DKK2: variants seen among roughly 807,000 people sequenced by gnomAD.
The protein encoded by DKK2 is dickkopf Wnt signaling pathway inhibitor 2, also known as dickkopf-related protein 2.
DKK2 carries 11 observed loss-of-function variants against 28.1 expected under a neutral mutation model. The observed-to-expected ratio is 0.39, with a 90% CI of 0.25 to 0.65. The LOEUF is 0.65. Ranked by LOEUF, DKK2 falls within the 30% of genes least tolerant of loss-of-function variation. The pLI is 0.47. For synonymous variants in DKK2, 135 were observed against 126.5 expected (o/e 1.07, Z -0.45); for missense variants, 326 against 335.5 (o/e 0.97, Z 0.22).
chr4:106,942,994 A>C (rs1018677737), intron 1 of DKK2, among the ~76,000 whole-genome samples: 1 of 152,108 alleles, frequency 6.6e-6, no homozygotes, highest in East Asian at 1.9e-4. Flanking sequence ...TACTACTTGC[A>C]CATCCCCTAG....
At chr4:106,938,615 G>A (rs540075734) in intron 1 of DKK2, among the ~76,000 whole-genome samples, 83 of 152,188 alleles carry the variant, frequency 5.5e-4, no homozygotes, top group African/African-American at 1.8e-3. Flanking sequence ...TTTTTATGAG[G>A]CCAGCATCAT....
At chr4:106,935,266 T>C (rs1315078426) in intron 1 of DKK2, among the ~76,000 whole-genome samples, 3 of 152,100 alleles carry the variant, frequency 2.0e-5, no homozygotes, top group Non-Finnish European at 2.9e-5. Context: ...GCGCACCGTG[T>C]GCGAGCCAAA....
chr4:107,005,567 A>G (rs1723426924), intron 1 of DKK2, among the ~76,000 whole-genome samples: 1 of 152,056 alleles, frequency 6.6e-6, no homozygotes, highest in South Asian at 2.1e-4. Flanking sequence ...CTCCGACATC[A>G]TTATATTCTT....
chr4:106,923,889 C>A lies in DKK2; in HGVS notation c.*65G>T. On this transcript the variant is annotated 3_prime_UTR_variant, in exon 4 of 4. Transcript: ENST00000285311. The stretch of plus-strand genomic sequence containing the variant: ...TTCTGCATCTGAACCTTATTTTCCA[C>A]CATGCTATAATGCATTAAATACACA... 1 of 1,578,148 alleles carries A rather than the reference C, an allele frequency of 6.3e-7. No individual in the cohort carries two copies. Among genetic ancestry groups the A allele is most frequent in the Admixed American group, 1.8e-5 (1 of 57,090 alleles).
At chr4:107,017,419 C>T (rs946432747) in intron 1 of DKK2, among the ~76,000 whole-genome samples, 1 of 151,910 alleles carries the variant, frequency 6.6e-6, no homozygotes, top group African/African-American at 2.4e-5. Context: ...GTGGGTTTTA[C>T]TAATTGAGAC....
rs138103643 is a variant in DKK2 at position 107,005,550 on chromosome 4, G to C, written c.222+29820C>G. On this transcript the variant is annotated intron_variant, in intron 1 of 3. Transcript: ENST00000285311. ...CTCCCCAAATAAATGTGGATATTCT[G>C]ATGGTGCTCCGACATCATTATATTC... Among the ~76,000 whole-genome samples the C allele has an allele frequency of 5.2e-3, 789 of 152,068 alleles. 5 individuals are homozygous for C. Among genetic ancestry groups the C allele is most frequent in the African/African-American group, 0.018 (753 of 41,476 alleles).
chr4:106,932,092 T>G (rs1724511769), intron 1 of DKK2, among the ~76,000 whole-genome samples: 2 of 152,162 alleles, frequency 1.3e-5, no homozygotes, highest in Admixed American at 1.3e-4. Context: ...GTTGAGGATC[T>G]GGACATTGAT....
At chr4:106,927,545 A>T (rs777442329) in intron 1 of DKK2, among the ~76,000 whole-genome samples, 6 of 152,194 alleles carry the variant, frequency 3.9e-5, no homozygotes, top group Non-Finnish European at 5.9e-5. Context: ...TTATAACTGG[A>T]GCCACACAAA....
At chr4:106,942,629 A>G (rs1724716879) in intron 1 of DKK2, among the ~76,000 whole-genome samples, 1 of 152,112 alleles carries the variant, frequency 6.6e-6, no homozygotes, top group South Asian at 2.1e-4. Flanking sequence ...AGGGATTGAG[A>G]TACATAACAC....
intron 1 of DKK2, among the ~76,000 whole-genome samples, chr4:107,017,573 C>T (rs575708337): frequency 2.4e-4 from 36 of 151,456 alleles, no homozygotes; most frequent in African/African-American, 8.5e-4. Flanking sequence ...TTATTATAAG[C>T]GGTTGTTAGA....
At chr4:106,976,110 C>T (rs1396593143) in intron 1 of DKK2, among the ~76,000 whole-genome samples, 18 of 152,084 alleles carry the variant, frequency 1.2e-4, no homozygotes, top group African/African-American at 2.6e-4. Context: ...AGAGCCTGTT[C>T]GTTATGATTT....
intron 1 of DKK2, among the ~76,000 whole-genome samples, chr4:107,001,410 T>C (rs992518235): frequency 3.3e-5 from 5 of 152,222 alleles, no homozygotes; most frequent in African/African-American, 7.2e-5. Flanking sequence ...AATAGAGATT[T>C]GGGCAATCCT....
rs77571694 is a variant in DKK2 at position 106,993,313 on chromosome 4, A to T, written c.222+42057T>A. Among the ~76,000 whole-genome samples, 58 of 152,362 alleles carry T rather than the reference A, an allele frequency of 3.8e-4. 1 individual carries two copies. In the East Asian group the frequency reaches 9.1e-3, roughly 24 times the overall value. ...ATTCAAGAGATAATATGTGTAAAGC[A>T]CATAGCCTCATGGCTGGTACATACT... On this transcript the variant is annotated intron_variant, in intron 1 of 3. Coordinates refer to ENST00000285311, the MANE Select transcript of DKK2 (RefSeq NM_014421.3).
chr4:106,935,056 C>A (rs1372689212), intron 1 of DKK2, among the ~76,000 whole-genome samples: 1 of 151,936 alleles, frequency 6.6e-6, no homozygotes. Context: ...GTGATCACCA[C>A]AAAGTTTAAA....
chr4:107,033,431 T>C (rs1723907081), intron 1 of DKK2, among the ~76,000 whole-genome samples: 1 of 152,196 alleles, frequency 6.6e-6, no homozygotes, highest in Non-Finnish European at 1.5e-5. Flanking sequence ...AAACATATTT[T>C]ATACCGATTT....
intron 1 of DKK2, among the ~76,000 whole-genome samples, chr4:106,974,135 T>G (rs1722907800): frequency 6.6e-6 from 1 of 152,192 alleles, no homozygotes; most frequent in African/African-American, 2.4e-5. Flanking sequence ...GCTGTTTTGG[T>G]TACTGTAGCC....
intron 1 of DKK2, among the ~76,000 whole-genome samples, chr4:106,949,185 T>C (rs976746392): frequency 6.6e-6 from 1 of 152,150 alleles, no homozygotes; most frequent in African/African-American, 2.4e-5. Context: ...GAGTCAACAG[T>C]AGGGCTGACA....
Position 106,922,488 on chromosome 4 carries a change from A to T in DKK2, c.*1466T>A, listed in dbSNP as rs13103371. The T allele has an allele frequency of 6.6e-6, 1 of 152,230 alleles. No homozygotes were observed. The highest frequency in any genetic ancestry group is 1.5e-5 in the Non-Finnish European group (1 of 68,046). The allele number at this position is 152,230 out of a possible 1,614,324, so 9.4% of individuals were successfully genotyped here. A position where few individuals can be genotyped will look rare whatever the true frequency, so the allele number is the denominator to read the frequency against. The stretch of plus-strand genomic sequence containing the variant: ...GCAGGTTTTACAAGTTATCCTACTT[A>T]TATTTTTTAACCGCAATGGCTGCAG... On this transcript the variant is annotated 3_prime_UTR_variant, in exon 4 of 4. Transcript: ENST00000285311.
At chr4:107,001,716 T>A (rs1263425252) in intron 1 of DKK2, among the ~76,000 whole-genome samples, 1 of 152,190 alleles carries the variant, frequency 6.6e-6, no homozygotes, top group Non-Finnish European at 1.5e-5. Context: ...TTCATACCAT[T>A]CAGTGTGTTC....
Sources: allele counts gnomAD v4.1 joint callset (sites outside exome capture counted in the v4.1 genomes callset), GRCh38; gene constraint gnomAD v4.1.1; transcripts MANE v1.5; gene names NCBI Gene and HGNC (gene_info 2026-07-23, HGNC 2026-07-21).